Variants in CUX1 observed in about 807,000 individuals in gnomAD.
The protein encoded by CUX1 is protein CASP.
A neutral mutation model predicts 158.8 loss-of-function variants in CUX1; 31 were observed. That is an observed-to-expected ratio of 0.20 (90% CI 0.15 to 0.26). The LOEUF (loss-of-function observed/expected upper bound fraction) is 0.26, where lower values mean the gene tolerates loss of function less well. CUX1 is among the 10% of genes least tolerant of loss of function. CUX1 has a pLI of 1.00. For missense variants in CUX1, 1,589 were observed against 2,014.6 expected (o/e 0.79, Z 4.04); for synonymous variants, 879 against 862.1 (o/e 1.02, Z -0.34).
rs186978036 is a variant in CUX1 at position 102,158,860 on chromosome 7, A to G, written c.723+252A>G. 5.4e-3 allele frequency among the ~76,000 whole-genome samples: 825 copies of G among 152,328 alleles called. 5 individuals carry two copies. The highest frequency in any genetic ancestry group is 0.01 in the Middle Eastern group (3 of 294). On this transcript the variant is annotated intron_variant, in intron 9 of 23. Coordinates refer to ENST00000292535, the MANE Select transcript of CUX1 (RefSeq NM_181552.4). The stretch of plus-strand genomic sequence containing the variant: ...ACATCCCATGGTGAACATCCCCTCC[A>G]AAGTGGTAACTGTCTCCTTTTCCCT...
At position 102,252,723 on chromosome 7, in the gene CUX1, GTCC is replaced by G; in HGVS notation, c.*3688_*3690del. The G allele has an allele frequency of 2.0e-6, 2 of 985,442 alleles. No individual in the cohort carries two copies. Among genetic ancestry groups the G allele is most frequent in the Non-Finnish European group, 2.4e-6 (2 of 829,964 alleles). The allele number at this position is 985,442 out of a possible 1,614,324, so 61.0% of individuals were successfully genotyped here. ...CACTTCCACCCCAGAGGAGTCTTCT[GTCC>G]TCCTCCCCAACCCCCGAGCTCCCTG... On this transcript the variant is annotated 3_prime_UTR_variant, in exon 24 of 24. Coordinates refer to ENST00000292535, the MANE Select transcript of CUX1 (RefSeq NM_181552.4).
In CUX1 at chr7:102,249,235, G is replaced by A; in HGVS notation, c.*193G>A. On this transcript the variant is annotated 3_prime_UTR_variant, in exon 24 of 24. Coordinates refer to ENST00000292535, the MANE Select transcript of CUX1 (RefSeq NM_181552.4). ...GCACCGACCCGAGGCCCAGATCCAAGGCCGCGGCCCAGACCCACTCTGCGG... is the reference window on the plus strand; with the variant it reads ...GCACCGACCCGAGGCCCAGATCCAAAGCCGCGGCCCAGACCCACTCTGCGG... The A allele has an allele frequency of 9.2e-7, 1 of 1,089,320 alleles. No individual in the cohort carries two copies. Among genetic ancestry groups the A allele is most frequent in the African/African-American group, 1.7e-5 (1 of 59,536 alleles). 67.5% of individuals were successfully genotyped at this position (1,089,320 alleles called of 1,614,324 possible).
chr7:102,189,923 A>G, intron 12 of CUX1, 52 bp downstream of exon 12: 3 of 1,590,460 alleles, frequency 1.9e-6, no homozygotes, highest in African/African-American at 1.3e-5. Context: ...CATTAGGGCC[A>G]TCTGCTAACA....
intron 5 of CUX1, among the ~76,000 whole-genome samples, chr7:102,098,246 G>A (rs1026022380): frequency 1.3e-5 from 2 of 152,162 alleles, no homozygotes; most frequent in African/African-American, 2.4e-5. Flanking sequence ...ATGTGAGTAC[G>A]GAATTAAATT....
At chr7:102,081,488 C>A (rs1317608241) in intron 4 of CUX1, among the ~76,000 whole-genome samples, 1 of 146,916 alleles carries the variant, frequency 6.8e-6, no homozygotes, top group Admixed American at 6.9e-5. Flanking sequence ...GTTCCACCTT[C>A]GCTCATCTCT....
At chr7:101,928,939 A>G (rs111451796) in intron 2 of CUX1, among the ~76,000 whole-genome samples, 33,612 of 150,830 alleles carry the variant, frequency 0.22, 4,149 homozygotes, top group East Asian at 0.5. Context: ...CAAAGTGCTG[A>G]GATTACAGGC....
chr7:102,274,140 C>A, intron 15 of CUX1: 1 of 1,162,332 alleles, frequency 8.6e-7, no homozygotes, highest in Non-Finnish European at 1.3e-6. Flanking sequence ...GCCCCACCCA[C>A]TCCTTGCCAC....
intron 2 of CUX1, among the ~76,000 whole-genome samples, chr7:101,937,895 A>C (rs1042475782): frequency 3.3e-5 from 5 of 152,206 alleles, no homozygotes; most frequent in Non-Finnish European, 5.9e-5. Context: ...GCAGACACCA[A>C]AGATTTTTAT....
At chr7:101,973,033 AG>A (rs1353362436) in intron 2 of CUX1, among the ~76,000 whole-genome samples, 1 of 152,092 alleles carries the variant, frequency 6.6e-6, no homozygotes. Flanking sequence ...CGGGTTTTAG[AG>A]GGTTGCTTTT....
Position 102,256,490 on chromosome 7 carries a change from T to C in CUX1, c.*7448T>C, listed in dbSNP as rs1251937752. 1.0e-6 allele frequency: 1 copy of C among 985,276 alleles called. No homozygotes were observed. The highest frequency in any genetic ancestry group is 1.2e-6 in the Non-Finnish European group (1 of 829,942). 61.0% of individuals were successfully genotyped at this position (985,276 alleles called of 1,614,324 possible). On this transcript the variant is annotated 3_prime_UTR_variant, in exon 24 of 24. Coordinates refer to ENST00000292535, the MANE Select transcript of CUX1 (RefSeq NM_181552.4). The stretch of plus-strand genomic sequence containing the variant: ...CCTACTCCCCCAGAGAACCAAGGCG[T>C]CTGGGGGATTGACTGGGGGGCAGAG...
chr7:101,865,612 G>A (rs1259489594), intron 1 of CUX1, among the ~76,000 whole-genome samples: 3 of 152,244 alleles, frequency 2.0e-5, no homozygotes, highest in Non-Finnish European at 2.9e-5. Flanking sequence ...GGCAGCCAGC[G>A]TCCGAGCGTT....
rs58793343 is a variant in CUX1, at chr7:101,821,671, CTTTTTTTTT to C, written c.30+4020_30+4028del. On this transcript the variant is annotated intron_variant, in intron 1 of 23. Coordinates refer to ENST00000292535, the MANE Select transcript of CUX1 (RefSeq NM_181552.4). ...CTTTTCTTTTCTTTTTTTCTTTTTT[CTTTTTTTTT>C]TTTTTTTTTTTTTTTTTGAGACGTG... Among the ~76,000 whole-genome samples, 117 of 51,324 alleles carry C rather than the reference CTTTTTTTTT, an allele frequency of 2.3e-3. 1 individual carries two copies. The highest frequency in any genetic ancestry group is 0.026 in the Middle Eastern group (1 of 38). 33.7% of individuals were successfully genotyped at this position (51,324 alleles called of 152,430 possible).
chr7:101,877,203 G>C (rs1424107735), intron 1 of CUX1, among the ~76,000 whole-genome samples: 1 of 152,004 alleles, frequency 6.6e-6, no homozygotes, highest in African/African-American at 2.4e-5. Context: ...ATAATCTCTT[G>C]GTTCCAAAAA....
chr7:101,826,091 T>C (rs1490626124), intron 1 of CUX1, among the ~76,000 whole-genome samples: 1 of 152,126 alleles, frequency 6.6e-6, no homozygotes, highest in East Asian at 1.9e-4. Flanking sequence ...CACCTAAACC[T>C]TTTCCATCCC....
At chr7:101,917,428 C>T (rs1194655976) in intron 2 of CUX1, among the ~76,000 whole-genome samples, 1 of 152,182 alleles carries the variant, frequency 6.6e-6, no homozygotes, top group Non-Finnish European at 1.5e-5. Flanking sequence ...GTTCAAATCT[C>T]ACACCCGCTG....
intron 2 of CUX1, among the ~76,000 whole-genome samples, chr7:101,931,774 C>T (rs529355502): frequency 9.5e-4 from 145 of 152,216 alleles, no homozygotes; most frequent in South Asian, 6.6e-3. Flanking sequence ...ATGTTACGCA[C>T]GCTGGTCTCA....
rs1008497343 is a variant in CUX1, at chr7:101,999,881, CGTGCGTGTGTGT to C, written c.142-28200_142-28189del. ...AGGGCCTGGTTTTATCAGTGGCATG[CGTGCGTGTGTGT>C]GTGCGTGTGTGTGTGCATGTGTGTT... On this transcript the variant is annotated intron_variant, in intron 2 of 23. Coordinates refer to ENST00000292535, the MANE Select transcript of CUX1 (RefSeq NM_181552.4). Among the ~76,000 whole-genome samples the C allele has an allele frequency of 1.9e-4, 29 of 151,974 alleles. No homozygotes were observed. The South Asian group carries it at 3.5e-3, about 19-fold the overall frequency.
At chr7:102,144,062 G>A (rs185108891) in intron 8 of CUX1, among the ~76,000 whole-genome samples, 4 of 151,932 alleles carry the variant, frequency 2.6e-5, no homozygotes, top group South Asian at 2.1e-4. Context: ...GATTACAGGC[G>A]TGAGCCACTG....
chr7:102,041,253 A>ATCCTTTTTTTTTTTTTTTTTTTTT lies in CUX1; in HGVS notation c.189+13109_189+13110insCCTTTTTTTTTTTTTTTTTTTTTT, dbSNP rs1411639210. On this transcript the variant is annotated intron_variant, in intron 3 of 23. Transcript: ENST00000292535. The stretch of plus-strand genomic sequence containing the variant: ...CCAGGGAGATTGTCACCTCTTATCC[A>ATCCTTTTTTTTTTTTTTTTTTTTT]TTCTTTTTTTTTTTTTTTTTTTTTT... Among the ~76,000 whole-genome samples, 2 of 66,072 alleles carry ATCCTTTTTTTTTTTTTTTTTTTTT rather than the reference A, an allele frequency of 3.0e-5. 1 individual carries two copies. The highest frequency in any genetic ancestry group is 1.2e-4 in the African/African-American group (2 of 17,148). 43.3% of individuals were successfully genotyped at this position (66,072 alleles called of 152,430 possible).
Sources: gnomAD v4.1 joint callset for allele counts (sites outside exome capture counted in the v4.1 genomes callset) on GRCh38, gnomAD v4.1.1 for gene constraint, MANE v1.5 for transcripts, NCBI Gene and HGNC (gene_info 2026-07-23, HGNC 2026-07-21) for gene names.